Variants in FAM20C observed in about 807,000 individuals in gnomAD.
FAM20C encodes FAM20C golgi associated secretory pathway kinase, also known as extracellular serine/threonine protein kinase FAM20C.
Under a neutral mutation model 51.5 loss-of-function variants are expected in FAM20C, and 40 were observed. The ratio of observed to expected loss-of-function variants is 0.78; its 90% CI spans 0.60 to 1.01. The LOEUF is 1.01. Among genes scored for constraint, FAM20C ranks in the 50% least tolerant of loss-of-function variants. FAM20C has a pLI of 0.00. For synonymous variants in FAM20C, 406 were observed against 380.6 expected (o/e 1.07, Z -0.78); for missense variants, 861 against 844.7 (o/e 1.02, Z -0.24).
chr7:212,674 A>C (rs1264393798), intron 3 of FAM20C, among the ~76,000 whole-genome samples: 4 of 151,862 alleles, frequency 2.6e-5, no homozygotes. Flanking sequence ...TCACCAGGGG[A>C]AGTTTTAGGG....
At chr7:202,820 C>T (rs111920387) in intron 2 of FAM20C, among the ~76,000 whole-genome samples, 11,678 of 150,952 alleles carry the variant, frequency 0.077, 542 homozygotes, top group East Asian at 0.23. Context: ...GAATGGGGCC[C>T]GTGGACATCT....
chr7:216,773 G>A (rs927605014), intron 3 of FAM20C, among the ~76,000 whole-genome samples: 24 of 151,872 alleles, frequency 1.6e-4, no homozygotes, highest in African/African-American at 5.6e-4. Context: ...CTGTCCCAAG[G>A]CCCAGGAACT....
intron 3 of FAM20C, among the ~76,000 whole-genome samples, chr7:237,403 G>C (rs1787878685): frequency 6.6e-6 from 1 of 152,256 alleles, no homozygotes; most frequent in Admixed American, 6.5e-5. Flanking sequence ...TAATAGTGCA[G>C]TATGCGTTCA....
At chr7:247,814 G>A (rs980593897) in intron 4 of FAM20C, among the ~76,000 whole-genome samples, 2 of 152,294 alleles carry the variant, frequency 1.3e-5, no homozygotes, top group African/African-American at 4.8e-5. Context: ...AGGCGTGGTC[G>A]GGCCTTGGGT....
chr7:228,739 C>G, intron 3 of FAM20C: 1 of 456,298 alleles, frequency 2.2e-6, no homozygotes, highest in South Asian at 1.5e-5. Flanking sequence ...ATCCCACATC[C>G]TCCACCAAGA....
In FAM20C at chr7:200,407, C is replaced by T. The variant is rs141251736; in HGVS notation, c.784+4675C>T. ...TGCAAAGGACGATTTCAAGTGGAGC[C>T]TGGAGGAGGCGGCAAATAGCTCAGT... On this transcript the variant is annotated intron_variant, in intron 2 of 9. Transcript: ENST00000313766. Among the ~76,000 whole-genome samples the T allele has an allele frequency of 3.2e-3, 494 of 152,350 alleles. 2 individuals carry two copies. Among genetic ancestry groups the T allele is most frequent in the African/African-American group, 0.011 (468 of 41,598 alleles).
intron 8 of FAM20C, 162 bp downstream of exon 8, chr7:257,248 A>G: frequency 1.4e-6 from 1 of 738,898 alleles, no homozygotes; most frequent in Non-Finnish European, 2.2e-6. Context: ...GGGCGGCCCC[A>G]GGCCCCAACC....
intron 2 of FAM20C, among the ~76,000 whole-genome samples, chr7:196,097 C>T (rs1408696575): frequency 2.0e-5 from 3 of 152,170 alleles, no homozygotes; most frequent in Non-Finnish European, 2.9e-5. Context: ...CCACCGGAAG[C>T]GTGTGCATGG....
At chr7:248,155 C>CG (rs1788241700) in intron 4 of FAM20C, among the ~76,000 whole-genome samples, 160 bp from the exon 5 acceptor site, 1 of 152,146 alleles carries the variant, frequency 6.6e-6, no homozygotes, top group African/African-American at 2.4e-5. Context: ...GCAGAGCCAC[C>CG]GGACCTAGGG....
At chr7:231,846 C>T (rs1216612382) in intron 3 of FAM20C, among the ~76,000 whole-genome samples, 1 of 152,098 alleles carries the variant, frequency 6.6e-6, no homozygotes, top group Non-Finnish European at 1.5e-5. Context: ...GGTGTTTGAC[C>T]CACCCCTCTT....
chr7:224,070 G>C (rs184708357), intron 3 of FAM20C, among the ~76,000 whole-genome samples: 3,135 of 141,656 alleles, frequency 0.022, 71 homozygotes, highest in Non-Finnish European at 0.032. Context: ...GAATGGCACC[G>C]TCACAGGGTC....
At chr7:228,761 G>C in intron 3 of FAM20C, 1 of 456,260 alleles carries the variant, frequency 2.2e-6, no homozygotes, top group South Asian at 1.5e-5. Context: ...TGACCTGACT[G>C]AACAGACGCC....
At chr7:217,999 C>T (rs1263758136) in intron 3 of FAM20C, among the ~76,000 whole-genome samples, 8 of 152,156 alleles carry the variant, frequency 5.3e-5, no homozygotes, top group East Asian at 1.9e-4. Flanking sequence ...TGCCCGTCCC[C>T]GTCGGCCCCG....
At chr7:222,379 A>G (rs1209558701) in intron 3 of FAM20C, among the ~76,000 whole-genome samples, 1 of 152,112 alleles carries the variant, frequency 6.6e-6, no homozygotes. Context: ...AGCTGGGGTC[A>G]CCGTCAGCCC....
At chr7:204,723 C>T (rs1400379425) in intron 2 of FAM20C, among the ~76,000 whole-genome samples, 1 of 152,046 alleles carries the variant, frequency 6.6e-6, no homozygotes, top group African/African-American at 2.4e-5. Context: ...GAAGTGGCAC[C>T]TGTGTGGCCC....
At chr7:209,337 C>T (rs549906312) in intron 3 of FAM20C, among the ~76,000 whole-genome samples, 2 of 152,364 alleles carry the variant, frequency 1.3e-5, no homozygotes, top group East Asian at 3.9e-4. Context: ...CCGGAGCCCG[C>T]ACACCTTTGC....
chr7:256,515 C>A, intron 6 of FAM20C, 139 bp from the exon 7 acceptor site: 2 of 698,748 alleles, frequency 2.9e-6, no homozygotes, highest in Admixed American at 2.3e-5. Flanking sequence ...GCTAATGCAG[C>A]CTCAGCGCCG....
rs562268044 is a variant in FAM20C, at chr7:246,572, C to T, written c.956+65C>T. ...GCTCAGACCCACCGGTGAGTGAGGC[C>T]GTCCTGCACTGGACACAGCAGGACG... On this transcript the variant is annotated intron_variant, in intron 4 of 9. Transcript: ENST00000313766. 57 of 1,221,036 alleles carry T rather than the reference C, an allele frequency of 4.7e-5. No homozygotes were observed. In the African/African-American group the frequency reaches 5.8e-4, roughly 12 times the overall value. 75.6% of individuals were successfully genotyped at this position (1,221,036 alleles called of 1,614,324 possible). A position where few individuals can be genotyped will look rare whatever the true frequency, so the allele number is the denominator to read the frequency against.
chr7:193,584 C>T lies in FAM20C; in HGVS notation c.385C>T (p.Leu129=), dbSNP rs539116395. 1.3e-5 allele frequency: 20 copies of T among 1,532,008 alleles called. No individual in the cohort carries two copies. The African/African-American group carries it at 2.8e-4, about 22-fold the overall frequency. 94.9% of individuals were successfully genotyped at this position (1,532,008 alleles called of 1,614,324 possible). Residue 129 remains leucine, a synonymous_variant, in exon 1 of 10, where the codon CTA becomes TTA. Coordinates refer to ENST00000313766, the MANE Select transcript of FAM20C (RefSeq NM_020223.4). ...RALRGRDPGA[L]RPHDPAHRPL... ...CTTGCGGGGGCGGGATCCCGGCGCC[C>T]TAAGACCCCACGACCCCGCGCACCG... is the stretch of plus-strand genomic sequence containing the variant.
Sources: gnomAD v4.1 joint callset for allele counts (sites outside exome capture counted in the v4.1 genomes callset) on GRCh38, gnomAD v4.1.1 for gene constraint, MANE v1.5 for transcripts, NCBI Gene and HGNC (gene_info 2026-07-23, HGNC 2026-07-21) for gene names.